Variants in FAF1 observed in about 807,000 individuals in gnomAD.
FAF1 encodes Fas associated factor 1.
Under a neutral mutation model 92.5 loss-of-function variants are expected in FAF1, and 25 were observed. That is an observed-to-expected ratio of 0.27 (90% confidence interval 0.20 to 0.38). The LOEUF is 0.38. Among genes scored for constraint, FAF1 ranks in the 10% least tolerant of loss-of-function variants. FAF1 has a pLI of 1.00. For missense variants in FAF1, 636 were observed against 793.3 expected (o/e 0.80, Z 2.38); for synonymous variants, 234 against 273.2 (o/e 0.86, Z 1.42).
intron 17 of FAF1, among the ~76,000 whole-genome samples, chr1:50,487,118 G>T (rs1258421393): frequency 4.6e-5 from 7 of 152,198 alleles, no homozygotes; most frequent in Non-Finnish European, 1.0e-4. Context: ...ATTAGATATA[G>T]TTGGGGTTAG....
chr1:50,605,188 G>A (rs571205795), intron 8 of FAF1, among the ~76,000 whole-genome samples: 1 of 152,154 alleles, frequency 6.6e-6, no homozygotes, highest in South Asian at 2.1e-4. Context: ...ATGTCATAGC[G>A]AGATAAAGAG....
chr1:50,549,758 C>T (rs1477773865), intron 13 of FAF1, among the ~76,000 whole-genome samples: 2 of 151,716 alleles, frequency 1.3e-5, no homozygotes, highest in Non-Finnish European at 2.9e-5. Flanking sequence ...CTAGGTGACA[C>T]AGAGAGACTC....
At position 50,770,181 on chromosome 1, in the gene FAF1, T is replaced by G. The variant is rs1660727112; in HGVS notation, c.367+17819A>C. On this transcript the variant is annotated intron_variant, in intron 4 of 18. Transcript: ENST00000396153. ...GAGCAAAAGTTAGAAGCATTCCCCT[T>G]GAAACCAGAACAAGAAAAGGATGCC... Among the ~76,000 whole-genome samples the G allele has an allele frequency of 3.9e-5, 6 of 152,160 alleles. No homozygotes were observed. The South Asian group carries it at 1.2e-3, about 32-fold the overall frequency.
chr1:50,747,091 C>A (rs919531077), intron 4 of FAF1, among the ~76,000 whole-genome samples: 3 of 152,216 alleles, frequency 2.0e-5, no homozygotes, highest in Admixed American at 6.5e-5. Flanking sequence ...TCTACTAGGA[C>A]AGTGCAGAGA....
intron 7 of FAF1, among the ~76,000 whole-genome samples, chr1:50,695,238 T>C (rs1657143700): frequency 6.6e-6 from 1 of 151,820 alleles, no homozygotes; most frequent in African/African-American, 2.4e-5. Flanking sequence ...TGAAACCCCA[T>C]CTCTACCAAA....
chr1:50,947,696 G>A (rs972283810), intron 1 of FAF1, among the ~76,000 whole-genome samples: 8 of 152,152 alleles, frequency 5.3e-5, no homozygotes, highest in Admixed American at 2.0e-4. Flanking sequence ...ACATCTTATT[G>A]AGCCCCTCAA....
At chr1:50,917,134 TTAAAAA>T (rs1225452036) in intron 1 of FAF1, among the ~76,000 whole-genome samples, 3 of 152,190 alleles carry the variant, frequency 2.0e-5, no homozygotes, top group African/African-American at 7.2e-5. Context: ...CAAACTATTT[TTAAAAA>T]GTATTCTCAT....
chr1:50,854,218 G>A (rs1272151633), intron 2 of FAF1, among the ~76,000 whole-genome samples: 2 of 152,020 alleles, frequency 1.3e-5, no homozygotes, highest in Non-Finnish European at 2.9e-5. Flanking sequence ...AAAGTGAGAC[G>A]TGGGTCAATT....
chr1:50,500,503 C>T (rs1318134786), intron 15 of FAF1, among the ~76,000 whole-genome samples: 2 of 152,088 alleles, frequency 1.3e-5, no homozygotes, highest in African/African-American at 4.8e-5. Context: ...ATACATCACA[C>T]TATATACAAA....
chr1:50,726,634 C>T (rs925980655), intron 6 of FAF1, among the ~76,000 whole-genome samples: 2 of 152,138 alleles, frequency 1.3e-5, no homozygotes, highest in Admixed American at 6.5e-5. Flanking sequence ...TTGAGACCAT[C>T]CTGGCTAACA....
At chr1:50,875,173 G>A (rs142291088) in intron 1 of FAF1, among the ~76,000 whole-genome samples, 7 of 151,770 alleles carry the variant, frequency 4.6e-5, no homozygotes, top group Non-Finnish European at 8.8e-5. Flanking sequence ...CAAAAGTAAT[G>A]GTTTCCAGCT....
At chr1:50,841,269 G>A (rs978508540) in intron 2 of FAF1, among the ~76,000 whole-genome samples, 1 of 151,940 alleles carries the variant, frequency 6.6e-6, no homozygotes, top group African/African-American at 2.4e-5. Flanking sequence ...CAACATTTAC[G>A]TATTTTCTCT....
chr1:50,672,185 C>T (rs971181603), intron 7 of FAF1, among the ~76,000 whole-genome samples: 5 of 152,120 alleles, frequency 3.3e-5, no homozygotes, highest in African/African-American at 1.2e-4. Context: ...GCTGGGATTA[C>T]AGGCACCTGC....
intron 7 of FAF1, among the ~76,000 whole-genome samples, chr1:50,658,191 A>G (rs1655211445): frequency 6.6e-6 from 1 of 152,196 alleles, no homozygotes; most frequent in Non-Finnish European, 1.5e-5. Flanking sequence ...ATAATTTCTT[A>G]AAACTATTTC....
At chr1:50,515,825 T>C (rs1254986692) in intron 15 of FAF1, among the ~76,000 whole-genome samples, 2 of 152,156 alleles carry the variant, frequency 1.3e-5, no homozygotes, top group Non-Finnish European at 2.9e-5. Flanking sequence ...TCTTGCCTTA[T>C]TGAATTACTT....
chr1:50,771,330 AG>A (rs1422982299), intron 4 of FAF1, among the ~76,000 whole-genome samples: 1 of 152,230 alleles, frequency 6.6e-6, no homozygotes, highest in East Asian at 1.9e-4. Flanking sequence ...ACAGAATGGG[AG>A]AAAATATTTG....
At chr1:50,636,505 C>A (rs1009325671) in intron 8 of FAF1, among the ~76,000 whole-genome samples, 1 of 151,110 alleles carries the variant, frequency 6.6e-6, no homozygotes, top group African/African-American at 2.4e-5. Flanking sequence ...CCTGCCTCAG[C>A]CTCCTGAGCA....
At chr1:50,893,350 A>G (rs987609200) in intron 1 of FAF1, among the ~76,000 whole-genome samples, 1 of 152,162 alleles carries the variant, frequency 6.6e-6, no homozygotes, top group Non-Finnish European at 1.5e-5. Flanking sequence ...CAGGTATTGG[A>G]AAGAACTTCG....
rs1188219874 is a variant in FAF1 at position 50,607,190 on chromosome 1, C to T, written c.745-10974G>A. Among the ~76,000 whole-genome samples, 4 of 152,088 alleles carry T rather than the reference C, an allele frequency of 2.6e-5. 1 individual carries two copies. In the South Asian group the frequency reaches 6.2e-4, roughly 24 times the overall value. ...ATTGTTCTTTTACATCTTTAGGCTT[C>T]ATGGTGCCCTTGTATGACTCCTTTC... is the stretch of plus-strand genomic sequence containing the variant. On this transcript the variant is annotated intron_variant, in intron 8 of 18. Transcript: ENST00000396153.
Sources: allele counts gnomAD v4.1 joint callset (sites outside exome capture counted in the v4.1 genomes callset), GRCh38; gene constraint gnomAD v4.1.1; transcripts MANE v1.5; gene names NCBI Gene and HGNC (gene_info 2026-07-23, HGNC 2026-07-21).